Variants in DDX1 observed in about 807,000 individuals in gnomAD.
The protein encoded by DDX1 is DEAD-box helicase 1.
In DDX1, 28 loss-of-function variants were observed where a neutral mutation model predicts 108.7. That is an observed-to-expected ratio of 0.26 (90% confidence interval 0.19 to 0.35). The LOEUF (loss-of-function observed/expected upper bound fraction) is 0.35. DDX1 is among the 10% of genes least tolerant of loss of function. DDX1 has a pLI of 1.00. For missense variants in DDX1, 710 were observed against 884.5 expected (o/e 0.80, Z 2.50); for synonymous variants, 295 against 288.9 (o/e 1.02, Z -0.21).
chr2:15,593,599 G>C (rs10169288), intron 1 of DDX1, among the ~76,000 whole-genome samples: 103,385 of 152,052 alleles, frequency 0.68, 35,992 homozygotes, highest in East Asian at 0.89. Flanking sequence ...ATTTTGCAAA[G>C]AGCTTCAGCT....
intron 1 of DDX1, among the ~76,000 whole-genome samples, chr2:15,594,554 C>G (rs1665469351): frequency 6.6e-6 from 1 of 152,204 alleles, no homozygotes; most frequent in Non-Finnish European, 1.5e-5. Context: ...AGTTCTTCAG[C>G]TGACATTTCC....
chr2:15,623,936 G>GA (rs11405063), intron 19 of DDX1, among the ~76,000 whole-genome samples: 21,977 of 151,492 alleles, frequency 0.15, 1,935 homozygotes, highest in East Asian at 0.38. Flanking sequence ...GGGGAATGAG[G>GA]AAAAAAAACC....
intron 19 of DDX1, among the ~76,000 whole-genome samples, chr2:15,624,912 A>G (rs369262834): frequency 5.3e-5 from 8 of 152,288 alleles, no homozygotes; most frequent in African/African-American, 1.9e-4. Flanking sequence ...GTCTTTTATA[A>G]AGCTAAAAAT....
chr2:15,606,545 G>A (rs1239267982), intron 12 of DDX1, among the ~76,000 whole-genome samples: 3 of 152,190 alleles, frequency 2.0e-5, no homozygotes, highest in Admixed American at 6.5e-5. Context: ...CACATTAAGT[G>A]CTTTACATGG....
intron 13 of DDX1, among the ~76,000 whole-genome samples, chr2:15,608,642 A>G (rs1665704426): frequency 6.7e-6 from 1 of 150,198 alleles, no homozygotes; most frequent in Admixed American, 6.7e-5. Flanking sequence ...TGACATCACA[A>G]AAGCCTGTGT....
At chr2:15,611,662 CG>C (rs1665763620) in intron 13 of DDX1, among the ~76,000 whole-genome samples, 1 of 115,126 alleles carries the variant, frequency 8.7e-6, no homozygotes, top group Non-Finnish European at 1.7e-5. Context: ...CCCCACCTCC[CG>C]GACGGGGCGG....
intron 13 of DDX1, among the ~76,000 whole-genome samples, chr2:15,610,473 T>A (rs1292569507): frequency 6.6e-6 from 1 of 152,230 alleles, no homozygotes; most frequent in Admixed American, 6.5e-5. Context: ...CTTCAGTCTT[T>A]TGCATGTGCA....
At chr2:15,629,796 C>T in intron 24 of DDX1, 99 bp downstream of exon 24, 1 of 1,089,866 alleles carries the variant, frequency 9.2e-7, no homozygotes, top group Non-Finnish European at 1.3e-6. Flanking sequence ...CTGTTTGTCA[C>T]TTATAAGGGA....
intron 15 of DDX1, 136 bp from the exon 16 acceptor site, chr2:15,618,045 A>G: frequency 4.5e-6 from 2 of 442,252 alleles, no homozygotes; most frequent in Non-Finnish European, 4.2e-6. Flanking sequence ...TTTTGAAAAT[A>G]TAGGACTATG....
At position 15,630,802 on chromosome 2, in the gene DDX1, A is replaced by G; in HGVS notation, c.2119A>G (p.Ile707Val). 3 of 1,613,908 alleles carry G rather than the reference A, an allele frequency of 1.9e-6. No homozygotes were observed. The highest frequency in any genetic ancestry group is 2.5e-6 in the Non-Finnish European group (3 of 1,179,822). The change falls in exon 26 of 26, where the codon ATT (isoleucine) becomes GTT (valine). Residue 707 changes from isoleucine (I) to valine (V), a missense_variant. Transcript: ENST00000233084. The stretch of plus-strand genomic sequence containing the variant: ...TGGAAGCTATAAAGGCCATGTGGAT[A>G]TTTTGGCACCTACTGTTCAAGAGTT... Reference protein sequence around the residue: ...GGGSYKGHVDILAPTVQELAA... With the variant: ...GGGSYKGHVDVLAPTVQELAA...
rs943752234 is a variant in DDX1 at position 15,628,611 on chromosome 2, A to G, written c.1760-27A>G. 8.7e-6 allele frequency: 14 copies of G among 1,601,110 alleles called. No individual in the cohort carries two copies. The Admixed American group carries it at 1.4e-4, about 15-fold the overall frequency. ...TTGAAAAATTTAGAAACTACTGGCA[A>G]TTGTTAATAATGGTTTTTATTTATA... On this transcript the variant is annotated intron_variant, in intron 21 of 25. Coordinates refer to ENST00000233084, the MANE Select transcript of DDX1 (RefSeq NM_004939.3).
Position 15,606,235 on chromosome 2 carries a change from A to G in DDX1, c.788A>G (p.Asp263Gly). The G allele has an allele frequency of 1.2e-6, 2 of 1,613,914 alleles. No individual in the cohort carries two copies. Among genetic ancestry groups the G allele is most frequent in the South Asian group, 1.1e-5 (1 of 91,054 alleles). Residue 263 changes from aspartate to glycine, a missense_variant, in exon 12 of 26, where the codon GAT (aspartate) becomes GGT (glycine). This residue lies in a region of DDX1 where 661 missense variants were observed against 810.2 expected (regional missense o/e 0.82). Coordinates refer to ENST00000233084, the MANE Select transcript of DDX1 (RefSeq NM_004939.3). ...DGFVALSKAP[D>G]GYIVKSQHSG... The stretch of plus-strand genomic sequence containing the variant: ...TTTGTTGCTCTTTCCAAGGCACCGG[A>G]TGGTTACATTGTCAAATCACAGCAC...
intron 13 of DDX1, among the ~76,000 whole-genome samples, chr2:15,612,070 G>A (rs1665776599): frequency 5.5e-4 from 1 of 1,822 alleles, no homozygotes; most frequent in African/African-American, 3.4e-3. Context: ...TCCCGGAGGG[G>A]GCGGCTGGCT....
intron 13 of DDX1, among the ~76,000 whole-genome samples, chr2:15,610,571 T>C (rs1290131866): frequency 6.6e-6 from 1 of 152,244 alleles, no homozygotes; most frequent in Non-Finnish European, 1.5e-5. Flanking sequence ...GAGTCTTCTT[T>C]CACTCCTTTC....
chr2:15,612,757 C>T (rs1227532009), intron 13 of DDX1, among the ~76,000 whole-genome samples: 1 of 152,262 alleles, frequency 6.6e-6, no homozygotes, highest in African/African-American at 2.4e-5. Context: ...GCAATCCCGG[C>T]ACCTCGGGAG....
intron 13 of DDX1, among the ~76,000 whole-genome samples, chr2:15,611,786 G>T (rs1233083236): frequency 9.2e-6 from 1 of 109,246 alleles, no homozygotes; most frequent in African/African-American, 4.1e-5. Context: ...CCGGGCGGGG[G>T]GCTGACCCCC....
At chr2:15,595,307 T>A in intron 2 of DDX1, 111 bp downstream of exon 2, 1 of 1,034,946 alleles carries the variant, frequency 9.7e-7, no homozygotes, top group Non-Finnish European at 1.4e-6. Context: ...GAAAATCAGG[T>A]TTTTTTTGTG....
intron 6 of DDX1, among the ~76,000 whole-genome samples, chr2:15,601,892 C>T (rs1665594059): frequency 6.6e-6 from 1 of 152,078 alleles, no homozygotes; most frequent in South Asian, 2.1e-4. Context: ...TACTTAAAAC[C>T]ATTTAGTATG....
chr2:15,596,864 C>T, intron 4 of DDX1, 101 bp downstream of exon 4: 1 of 894,766 alleles, frequency 1.1e-6, no homozygotes, highest in Admixed American at 2.2e-5. Flanking sequence ...ATAGCAACCT[C>T]CAAAAGGTAA....
Sources: allele counts gnomAD v4.1 joint callset (sites outside exome capture counted in the v4.1 genomes callset), GRCh38; gene constraint gnomAD v4.1.1; regional missense constraint gnomAD v4.1.1; transcripts MANE v1.5; gene names NCBI Gene and HGNC (gene_info 2026-07-23, HGNC 2026-07-21).